THSD7B: variants seen among roughly 807,000 people sequenced by gnomAD.
THSD7B encodes thrombospondin type-1 domain-containing protein 7B.
THSD7B carries 138 observed loss-of-function variants against 213.6 expected under a neutral mutation model. The observed-to-expected ratio is 0.65, with a 90% CI of 0.56 to 0.74. The LOEUF is 0.74. Among genes scored for constraint, THSD7B ranks in the 30% least tolerant of loss-of-function variants. The pLI, the probability that THSD7B is intolerant of heterozygous loss-of-function variation, is 0.00. For missense variants in THSD7B, 1,931 were observed against 1,991.5 expected (o/e 0.97, Z 0.58); for synonymous variants, 742 against 687.0 (o/e 1.08, Z -1.25).
chr2:137,601,039 T>C (rs1032449100), intron 17 of THSD7B, among the ~76,000 whole-genome samples: 7 of 152,094 alleles, frequency 4.6e-5, no homozygotes, highest in African/African-American at 1.4e-4. Context: ...AGAAAGAAAA[T>C]ATTTTTGTTA....
intron 15 of THSD7B, among the ~76,000 whole-genome samples, chr2:137,519,209 G>A (rs919681941): frequency 5.3e-5 from 8 of 150,434 alleles, no homozygotes; most frequent in East Asian, 1.9e-4. Flanking sequence ...CTGAGATTGC[G>A]CCACTGCACT....
chr2:136,933,996 G>A (rs1014594871), intron 2 of THSD7B, among the ~76,000 whole-genome samples: 7 of 152,132 alleles, frequency 4.6e-5, no homozygotes, highest in African/African-American at 1.7e-4. Context: ...TACCAATTCA[G>A]AAATTCAGAC....
chr2:137,179,205 C>T (rs981872136), intron 7 of THSD7B, among the ~76,000 whole-genome samples: 2 of 152,158 alleles, frequency 1.3e-5, no homozygotes, highest in African/African-American at 4.8e-5. Flanking sequence ...CCCTTGCTAT[C>T]CTTTTCATCT....
rs146719287 is a variant in THSD7B at position 137,217,383 on chromosome 2, C to T, written c.1724-13661C>T. On this transcript the variant is annotated intron_variant, in intron 7 of 27. Coordinates refer to ENST00000409968, the MANE Select transcript of THSD7B (RefSeq NM_001316349.2). The stretch of plus-strand genomic sequence containing the variant: ...ATTATTATTACCAACACATAGTGAA[C>T]ACTTACTGTGTACCTGTTACTTTAA... Among the ~76,000 whole-genome samples, 174 of 152,248 alleles carry T rather than the reference C, an allele frequency of 1.1e-3. 4 individuals are homozygous for T. In the East Asian group the frequency reaches 0.033, roughly 29 times the overall value.
chr2:137,063,541 T>C (rs1364457126), intron 3 of THSD7B, among the ~76,000 whole-genome samples: 1 of 152,060 alleles, frequency 6.6e-6, no homozygotes, highest in Non-Finnish European at 1.5e-5. Context: ...AATCCAGTTA[T>C]ACTCAGCTAT....
At chr2:136,875,271 A>G (rs1683509019) in intron 1 of THSD7B, among the ~76,000 whole-genome samples, 1 of 152,064 alleles carries the variant, frequency 6.6e-6, no homozygotes, top group South Asian at 2.1e-4. Context: ...AAAATACAAA[A>G]ATTAGCCAGA....
At chr2:137,115,371 T>C in intron 5 of THSD7B, 78 bp downstream of exon 5, 1 of 1,365,098 alleles carries the variant, frequency 7.3e-7, no homozygotes, top group African/African-American at 1.5e-5. Context: ...GTATTCTTCT[T>C]GAAATAAGTG....
intron 1 of THSD7B, among the ~76,000 whole-genome samples, chr2:136,791,890 T>C (rs927729214): frequency 1.3e-5 from 2 of 152,070 alleles, no homozygotes; most frequent in African/African-American, 4.8e-5. Context: ...TTCTCTTGGG[T>C]ATATACCTAG....
At chr2:137,190,474 G>A (rs1012696315) in intron 7 of THSD7B, among the ~76,000 whole-genome samples, 6 of 152,152 alleles carry the variant, frequency 3.9e-5, no homozygotes, top group Non-Finnish European at 7.3e-5. Context: ...GGATTGCCAT[G>A]GTGACAGGGA....
intron 12 of THSD7B, among the ~76,000 whole-genome samples, chr2:137,340,961 C>T (rs902176570): frequency 1.4e-5 from 2 of 145,780 alleles, no homozygotes; most frequent in Non-Finnish European, 3.0e-5. Context: ...ATTGCTGGAT[C>T]ATACTCTAAT....
intron 3 of THSD7B, among the ~76,000 whole-genome samples, chr2:137,074,070 G>C (rs1687562825): frequency 6.6e-6 from 1 of 151,708 alleles, no homozygotes; most frequent in Non-Finnish European, 1.5e-5. Context: ...TGTTGATTTG[G>C]GGTGGAGAGT....
At chr2:136,973,448 T>C (rs1685433654) in intron 2 of THSD7B, among the ~76,000 whole-genome samples, 2 of 152,218 alleles carry the variant, frequency 1.3e-5, no homozygotes, top group Admixed American at 6.5e-5. Flanking sequence ...TTTTCCTTTT[T>C]TCTGCACTTT....
At chr2:136,871,393 T>A (rs949731306) in intron 1 of THSD7B, among the ~76,000 whole-genome samples, 1 of 151,988 alleles carries the variant, frequency 6.6e-6, no homozygotes, top group South Asian at 2.1e-4. Flanking sequence ...GCCACACCCA[T>A]CTAGAGGTTA....
At chr2:136,788,242 T>C (rs181909457) in intron 1 of THSD7B, among the ~76,000 whole-genome samples, 143 of 152,328 alleles carry the variant, frequency 9.4e-4, no homozygotes, top group Non-Finnish European at 1.7e-3. Flanking sequence ...ACTAGAGTTA[T>C]GCATACACTA....
rs541925297 is a variant in THSD7B at position 137,115,026 on chromosome 2, G to A, written c.1200-98G>A. On this transcript the variant is annotated intron_variant, in intron 4 of 27. Transcript: ENST00000409968. ...ACAGGCAAAGATTTGGCCCTAGAAAGAGAGATTATGCCTCTTGATGTCATG... is the reference window on the plus strand; with the variant it reads ...ACAGGCAAAGATTTGGCCCTAGAAAAAGAGATTATGCCTCTTGATGTCATG... 76 of 1,373,810 alleles carry A rather than the reference G, an allele frequency of 5.5e-5. No individual in the cohort carries two copies. The African/African-American group carries it at 1.0e-3, about 19-fold the overall frequency. 85.1% of individuals were successfully genotyped at this position (1,373,810 alleles called of 1,614,324 possible). A position where few individuals can be genotyped will look rare whatever the true frequency, so the allele number is the denominator to read the frequency against.
intron 1 of THSD7B, among the ~76,000 whole-genome samples, chr2:136,819,742 A>G (rs1465354050): frequency 2.0e-5 from 3 of 151,862 alleles, no homozygotes; most frequent in Admixed American, 2.0e-4. Context: ...TCAAAATTAT[A>G]TTGGCCAATG....
rs16838307 is a variant in THSD7B at position 137,159,149 on chromosome 2, C to T, written c.1370-1064C>T. 4.9e-3 allele frequency among the ~76,000 whole-genome samples: 747 copies of T among 152,020 alleles called. 28 individuals are homozygous for T. The East Asian group carries it at 0.096, about 20-fold the overall frequency. On this transcript the variant is annotated intron_variant, in intron 5 of 27. Coordinates refer to ENST00000409968, the MANE Select transcript of THSD7B (RefSeq NM_001316349.2). ...ATGGTGCCTAGAAAGAGTCTCCTGG[C>T]GGCCAGGCATGGTGGCTCACGTGTG...
chr2:137,619,671 T>C (rs1028883213), intron 19 of THSD7B, among the ~76,000 whole-genome samples: 4 of 152,236 alleles, frequency 2.6e-5, no homozygotes, highest in Admixed American at 6.5e-5. Context: ...TACAAAAAGA[T>C]ATAAACTATT....
intron 4 of THSD7B, among the ~76,000 whole-genome samples, chr2:137,101,366 C>T (rs1463368610): frequency 3.3e-5 from 5 of 152,152 alleles, no homozygotes; most frequent in Admixed American, 6.6e-5. Flanking sequence ...ATCACAGCAC[C>T]GAACACTCTT....
Sources: allele counts gnomAD v4.1 joint callset (sites outside exome capture counted in the v4.1 genomes callset), GRCh38; gene constraint gnomAD v4.1.1; transcripts MANE v1.5; gene names NCBI Gene and HGNC (gene_info 2026-07-23, HGNC 2026-07-21).